PDE4D: variants seen among roughly 807,000 people sequenced by gnomAD.
PDE4D encodes phosphodiesterase 4D.
In PDE4D, 24 loss-of-function variants were observed where a neutral mutation model predicts 87.4. That is an observed-to-expected ratio of 0.27 (90% CI 0.20 to 0.39). The LOEUF (loss-of-function observed/expected upper bound fraction) is 0.39, where lower values mean the gene tolerates loss of function less well. Ranked by LOEUF, PDE4D falls within the 10% of genes least tolerant of loss-of-function variation. The pLI is 1.00. For synonymous variants in PDE4D, 384 were observed against 383.2 expected, an observed-to-expected ratio of 1.00 and a Z score of -0.02; for missense variants, 714 against 1,041.0, an observed-to-expected ratio of 0.69 and a Z score of 4.32.
chr5:59,028,703 TCTGCTGAACGAATTTGCCATTTTCTC>T (rs1236963730), intron 6 of PDE4D, among the ~76,000 whole-genome samples: 1 of 152,120 alleles, frequency 6.6e-6, no homozygotes, highest in Non-Finnish European at 1.5e-5. Context: ...TTGGAATATT[TCTGCTGAACGAATTTGCCATTTTCTC>T]CTCTAGTGGA....
intron 1 of PDE4D, among the ~76,000 whole-genome samples, chr5:60,362,398 T>A (rs1295701916): frequency 2.0e-5 from 3 of 152,210 alleles, no homozygotes; most frequent in Admixed American, 2.0e-4. Flanking sequence ...TCCATCAAGA[T>A]GAAGCATTTA....
chr5:59,609,248 T>C (rs1828649332), intron 1 of PDE4D, among the ~76,000 whole-genome samples: 1 of 151,952 alleles, frequency 6.6e-6, no homozygotes, highest in South Asian at 2.1e-4. Flanking sequence ...CATTCTCAGT[T>C]CTCCCTCTTT....
At chr5:59,469,054 G>A (rs1251642872) in intron 1 of PDE4D, among the ~76,000 whole-genome samples, 3 of 152,226 alleles carry the variant, frequency 2.0e-5, no homozygotes, top group South Asian at 4.2e-4. Context: ...ACGGCCAGGT[G>A]CGGTGGCTCA....
intron 1 of PDE4D, among the ~76,000 whole-genome samples, chr5:60,442,548 C>T (rs551139671): frequency 4.6e-5 from 7 of 151,990 alleles, no homozygotes; most frequent in Admixed American, 1.3e-4. Context: ...CAAACCTGCA[C>T]GTTCTGCACA....
rs564848340 is a variant in PDE4D, at chr5:60,182,743, GGTGGCGGGCA to G, written c.42+2804_42+2813del. 5.9e-5 allele frequency among the ~76,000 whole-genome samples: 9 copies of G among 152,280 alleles called. No individual in the cohort carries two copies. The East Asian group carries it at 1.5e-3, about 26-fold the overall frequency. ...AATGCCAAAAAAATTAGCCGAGCGT[GGTGGCGGGCA>G]CGTGTAGTCCCTGCTACTCGGGAGG... On this transcript the variant is annotated intron_variant, in intron 2 of 16. Transcript: ENST00000502484.
intron 2 of PDE4D, among the ~76,000 whole-genome samples, chr5:60,129,301 T>C (rs992112158): frequency 1.3e-5 from 2 of 152,168 alleles, no homozygotes; most frequent in African/African-American, 4.8e-5. Flanking sequence ...CTTTAAGTCT[T>C]TGGAGGAGGA....
At chr5:59,461,716 C>A (rs1467891772) in intron 1 of PDE4D, among the ~76,000 whole-genome samples, 1 of 152,076 alleles carries the variant, frequency 6.6e-6, no homozygotes, top group Non-Finnish European at 1.5e-5. Flanking sequence ...TAATCATTGC[C>A]TCAAAGAAAA....
At chr5:60,395,054 T>C (rs959725493) in intron 1 of PDE4D, among the ~76,000 whole-genome samples, 1 of 152,176 alleles carries the variant, frequency 6.6e-6, no homozygotes, top group Non-Finnish European at 1.5e-5. Context: ...TAGATTTTCT[T>C]CAAATGGCTC....
chr5:59,527,543 C>A (rs2153677710), intron 1 of PDE4D, among the ~76,000 whole-genome samples: 1 of 152,222 alleles, frequency 6.6e-6, no homozygotes, highest in African/African-American at 2.4e-5. Context: ...GCCTTCACTG[C>A]AAAGTAAAAT....
At chr5:59,940,355 G>A (rs539633637) in intron 3 of PDE4D, among the ~76,000 whole-genome samples, 2 of 152,242 alleles carry the variant, frequency 1.3e-5, no homozygotes, top group African/African-American at 4.8e-5. Flanking sequence ...TACCAGTTAG[G>A]AGGGTGCTCC....
intron 1 of PDE4D, among the ~76,000 whole-genome samples, chr5:59,349,815 G>A (rs374421609): frequency 6.6e-5 from 10 of 152,036 alleles, no homozygotes; most frequent in East Asian, 3.9e-4. Flanking sequence ...GTGCTGGTCC[G>A]TAGCCTGCAG....
chr5:60,162,207 T>C lies in PDE4D; in HGVS notation c.42+23350A>G, dbSNP rs113789955. ...TATTGTAAAAGAGACGTTAGCAAAA[T>C]AGATTTATCCAGCATGCCCCATATA... On this transcript the variant is annotated intron_variant, in intron 2 of 16. Transcript: ENST00000502484. 3.6e-3 allele frequency among the ~76,000 whole-genome samples: 548 copies of C among 152,230 alleles called. 6 individuals are homozygous for C. The highest frequency in any genetic ancestry group is 0.013 in the African/African-American group (523 of 41,548).
chr5:59,007,946 T>A (rs1751963554), intron 6 of PDE4D, among the ~76,000 whole-genome samples: 1 of 152,134 alleles, frequency 6.6e-6, no homozygotes. Context: ...ATGAGACTGA[T>A]CTGATAGCTG....
chr5:59,803,796 C>T (rs1281506472), intron 1 of PDE4D, among the ~76,000 whole-genome samples: 1 of 152,140 alleles, frequency 6.6e-6, no homozygotes, highest in African/African-American at 2.4e-5. Flanking sequence ...GACAAGGTCA[C>T]GTGGGCTAGG....
intron 1 of PDE4D, among the ~76,000 whole-genome samples, chr5:60,235,569 G>A (rs1401736163): frequency 6.6e-6 from 1 of 151,584 alleles, no homozygotes; most frequent in African/African-American, 2.4e-5. Context: ...TCAACAATGA[G>A]AAGCATCACA....
chr5:58,976,281 C>T, intron 13 of PDE4D, 69 bp downstream of exon 13: 5 of 1,506,080 alleles, frequency 3.3e-6, no homozygotes, highest in Non-Finnish European at 4.5e-6. Flanking sequence ...CTTATCAAAG[C>T]TGAACACGCA....
At chr5:59,540,506 G>A (rs966547588) in intron 1 of PDE4D, among the ~76,000 whole-genome samples, 15 of 152,062 alleles carry the variant, frequency 9.9e-5, no homozygotes, top group East Asian at 5.8e-4. Context: ...TTCTTTGTTC[G>A]GGAGCCAAGG....
chr5:60,127,529 A>G lies in PDE4D; in HGVS notation c.42+58028T>C. 9.0e-6 allele frequency: 4 copies of G among 444,148 alleles called. No individual in the cohort carries two copies. In the East Asian group the frequency reaches 1.4e-4, roughly 15 times the overall value. 27.5% of individuals were successfully genotyped at this position (444,148 alleles called of 1,614,324 possible). On this transcript the variant is annotated intron_variant, in intron 2 of 16. Transcript: ENST00000502484. ...GGGAAAGATGAAGAGAGAGGGATAG[A>G]TGCAGCGCATAACTGGAAGGTGAAA...
At chr5:60,332,674 T>A (rs1757408664) in intron 1 of PDE4D, among the ~76,000 whole-genome samples, 1 of 152,202 alleles carries the variant, frequency 6.6e-6, no homozygotes, top group East Asian at 1.9e-4. Context: ...GACCAAAATA[T>A]ATTCACTCAA....
Sources: gnomAD v4.1 joint callset for allele counts (sites outside exome capture counted in the v4.1 genomes callset) on GRCh38, gnomAD v4.1.1 for gene constraint, MANE v1.5 for transcripts, NCBI Gene and HGNC (gene_info 2026-07-23, HGNC 2026-07-21) for gene names.